Variants in AVEN observed in about 807,000 individuals in gnomAD.
AVEN encodes the protein cell death regulator Aven.
A neutral mutation model predicts 38.1 loss-of-function variants in AVEN; 41 were observed. The observed-to-expected ratio is 1.08, with a 90% CI of 0.84 to 1.40. The LOEUF (loss-of-function observed/expected upper bound fraction) is 1.40. Ranked by LOEUF, AVEN falls within the 40% of genes most tolerant of loss-of-function variation. The probability of loss-of-function intolerance (pLI) is 0.00; values close to 1 mark genes in which losing one functional copy is unlikely to be tolerated. For synonymous variants in AVEN, 206 were observed against 171.8 expected, an observed-to-expected ratio of 1.20 and a Z score of -1.56; for missense variants, 605 against 438.8, an observed-to-expected ratio of 1.38 and a Z score of -3.38.
At chr15:34,002,972 A>C in intron 2 of AVEN, 60 bp downstream of exon 2, 1 of 1,401,524 alleles carries the variant, frequency 7.1e-7, no homozygotes, top group Non-Finnish European at 9.7e-7. Context: ...AAAAACATAT[A>C]TAAAATGTCT....
intron 2 of AVEN, among the ~76,000 whole-genome samples, chr15:33,961,565 G>T (rs1401352618): frequency 6.6e-6 from 1 of 151,944 alleles, no homozygotes; most frequent in African/African-American, 2.4e-5. Flanking sequence ...TGTAATCCCA[G>T]CACTTTGGGA....
downstream of AVEN, among the ~76,000 whole-genome samples, chr15:33,862,232 G>C (rs1045888221): frequency 1.3e-5 from 2 of 152,158 alleles, no homozygotes; most frequent in African/African-American, 4.8e-5. Flanking sequence ...TTTCGAGATA[G>C]ATAGGGTCTC....
chr15:33,876,979 A>G (rs915691399), intron 2 of AVEN, among the ~76,000 whole-genome samples: 1 of 152,232 alleles, frequency 6.6e-6, no homozygotes, highest in Non-Finnish European at 1.5e-5. Context: ...CTAAAACTGT[A>G]GAATTAGAAT....
downstream of AVEN, chr15:33,858,061 G>A: frequency 9.6e-7 from 1 of 1,044,046 alleles, no homozygotes; most frequent in Non-Finnish European, 1.4e-6. Flanking sequence ...GTAGAAGACA[G>A]ATGTCTTCTC....
At chr15:34,071,381 C>T (rs1900621442) in intron 1 of AVEN, among the ~76,000 whole-genome samples, 1 of 152,150 alleles carries the variant, frequency 6.6e-6, no homozygotes, top group South Asian at 2.1e-4. Flanking sequence ...TCAAGTGATA[C>T]TTCTGCCTCA....
intron 4 of AVEN, among the ~76,000 whole-genome samples, chr15:33,868,544 C>CAAAA (rs35851228): frequency 5.9e-4 from 39 of 66,204 alleles, no homozygotes; most frequent in African/African-American, 1.1e-3. Flanking sequence ...GACTCCGTCT[C>CAAAA]AAAAAAAAAA....
intron 1 of AVEN, among the ~76,000 whole-genome samples, chr15:34,028,148 A>C (rs965582579): frequency 6.6e-6 from 1 of 152,194 alleles, no homozygotes; most frequent in Admixed American, 6.5e-5. Context: ...AAGCCATTTA[A>C]AAAATTTTTT....
At position 34,053,299 on chromosome 15, in the gene AVEN, C is replaced by CA. The variant is rs71454513; in HGVS notation, n.1637+9622dup. On this transcript the variant is annotated intron_variant and non_coding_transcript_variant, in intron 5 of 11. Transcript: ENST00000675287. ...TGGGTGACAGAGTGAGACTCCATCTCAAAAAAAAAAAAAAAAAAAAATATA... is the reference window on the plus strand; with the variant it reads ...TGGGTGACAGAGTGAGACTCCATCTCAAAAAAAAAAAAAAAAAAAAAATATA... Among the ~76,000 whole-genome samples the CA allele has an allele frequency of 1.2e-3, 63 of 51,538 alleles. 2 individuals are homozygous for CA. The highest frequency in any genetic ancestry group is 3.6e-3 in the African/African-American group (40 of 11,114). The allele number at this position is 51,538 out of a possible 152,430, so 33.8% of individuals were successfully genotyped here.
chr15:33,896,856 A>G (rs1183193159), intron 2 of AVEN, among the ~76,000 whole-genome samples: 2 of 152,194 alleles, frequency 1.3e-5, no homozygotes, highest in Non-Finnish European at 2.9e-5. Flanking sequence ...ATGATACTCT[A>G]TTGTTATTAC....
intron 2 of AVEN, among the ~76,000 whole-genome samples, chr15:33,946,321 G>A (rs1402214110): frequency 6.6e-6 from 1 of 152,034 alleles, no homozygotes; most frequent in Non-Finnish European, 1.5e-5. Context: ...GCAGAGGTAG[G>A]GCTGAAAAAT....
intron 1 of AVEN, among the ~76,000 whole-genome samples, chr15:34,013,416 G>A (rs1346006430): frequency 6.6e-6 from 1 of 152,118 alleles, no homozygotes; most frequent in African/African-American, 2.4e-5. Context: ...TTCCTTCCCA[G>A]GATAAACTTA....
At chr15:33,933,792 C>G (rs1260929299) in intron 2 of AVEN, among the ~76,000 whole-genome samples, 1 of 152,156 alleles carries the variant, frequency 6.6e-6, no homozygotes, top group Non-Finnish European at 1.5e-5. Flanking sequence ...AACCCTGTCT[C>G]TGCTAAAAAT....
the AVEN span, chr15:33,852,764 TAATCTGTCATCACA>T: frequency 2.9e-6 from 1 of 343,340 alleles, no homozygotes; most frequent in South Asian, 3.5e-5. Flanking sequence ...TGTCTCTGTC[TAATCTGTCATCACA>T]ATTCTTGGCT....
At chr15:33,994,180 C>T (rs1896843787) in intron 2 of AVEN, among the ~76,000 whole-genome samples, 14 of 152,210 alleles carry the variant, frequency 9.2e-5, no homozygotes, top group Admixed American at 9.2e-4. Context: ...CAGCCACTCC[C>T]TACTGCTTGC....
intron 2 of AVEN, 24 bp from the exon 3 acceptor site, chr15:33,876,019 A>G: frequency 6.4e-7 from 1 of 1,563,650 alleles, no homozygotes; most frequent in Non-Finnish European, 8.7e-7. Flanking sequence ...AAAAAAAAAA[A>G]TTTATGCAAA....
At chr15:33,880,673 T>G (rs1233908116) in intron 2 of AVEN, among the ~76,000 whole-genome samples, 1 of 152,096 alleles carries the variant, frequency 6.6e-6, no homozygotes, top group Non-Finnish European at 1.5e-5. Flanking sequence ...AATTTTTAAT[T>G]TACAATGTCC....
intron 2 of AVEN, among the ~76,000 whole-genome samples, chr15:33,907,830 A>G (rs369466895): frequency 9.7e-4 from 148 of 152,222 alleles, no homozygotes; most frequent in African/African-American, 3.5e-3. Context: ...ATTTCAACAT[A>G]AAAAAGTTAA....
chr15:33,967,938 G>GA (rs1567438808), intron 2 of AVEN, among the ~76,000 whole-genome samples: 1,828 of 104,966 alleles, frequency 0.017, 50 homozygotes, highest in African/African-American at 0.053. Flanking sequence ...CATACATTTA[G>GA]GAAAAAAAAA....
chr15:33,988,129 T>C (rs1896556982), intron 2 of AVEN, among the ~76,000 whole-genome samples: 1 of 152,244 alleles, frequency 6.6e-6, no homozygotes. Context: ...AGGCAGCTTC[T>C]TAACCAACCA....
Sources: allele counts gnomAD v4.1 joint callset (sites outside exome capture counted in the v4.1 genomes callset), GRCh38; gene constraint gnomAD v4.1.1; transcripts MANE v1.5; gene names NCBI Gene and HGNC (gene_info 2026-07-23, HGNC 2026-07-21).